The following USP5 variants were observed in gnomAD, a reference collection of about 807,000 sequenced individuals.
USP5 encodes ubiquitin carboxyl-terminal hydrolase 5.
USP5 carries 24 observed loss-of-function variants against 102.5 expected under a neutral mutation model. The observed-to-expected ratio is 0.23, with a 90% CI of 0.17 to 0.33. USP5 has a LOEUF of 0.33. Ranked by LOEUF, USP5 falls within the 10% of genes least tolerant of loss-of-function variation. The pLI, the probability that USP5 is intolerant of heterozygous loss-of-function variation, is 1.00. For synonymous variants in USP5, 460 were observed against 434.8 expected (o/e 1.06, Z -0.72); for missense variants, 753 against 1,122.1 (o/e 0.67, Z 4.70).
rs1944188495 is a variant in USP5, at chr12:6,858,699, C to T, written c.1058+82C>T. On this transcript the variant is annotated intron_variant, in intron 8 of 19. Transcript: ENST00000229268. This position sits in a 1 kb window ranked among gnomAD's most constrained non-coding sequence, Gnocchi z 4.2. Reference sequence around the variant, plus strand: ...ACTCCTCCTTCAGCTTCCCTCAGCACCTCTGTGTTTGATTCTAGTCTTAGA... The same window carrying T: ...ACTCCTCCTTCAGCTTCCCTCAGCATCTCTGTGTTTGATTCTAGTCTTAGA... 1 of 1,317,816 alleles carries T rather than the reference C, an allele frequency of 7.6e-7. No homozygotes were observed. Among genetic ancestry groups the T allele is most frequent in the Non-Finnish European group, 1.1e-6 (1 of 951,714 alleles). The allele number at this position is 1,317,816 out of a possible 1,614,324, so 81.6% of individuals were successfully genotyped here.
chr12:6,864,264 T>G lies in USP5; in HGVS notation c.2244+69T>G. 1 of 1,507,766 alleles carries G rather than the reference T, an allele frequency of 6.6e-7. No individual in the cohort carries two copies. Among genetic ancestry groups the G allele is most frequent in the Non-Finnish European group, 8.8e-7 (1 of 1,131,348 alleles). The allele number at this position is 1,507,766 out of a possible 1,614,324, so 93.4% of individuals were successfully genotyped here. A position where few individuals can be genotyped will look rare whatever the true frequency, so the allele number is the denominator to read the frequency against. ...AGGGGGTGGGAATGAGGGGCCATCC[T>G]TCTTGAGCAAGACCAAAGACAACAG... On this transcript the variant is annotated intron_variant, in intron 17 of 19. Coordinates refer to ENST00000229268, the MANE Select transcript of USP5 (RefSeq NM_001098536.2). The surrounding 1 kb of genome is among the most constrained non-coding windows in gnomAD (Gnocchi z 4.8).
At position 6,852,197 on chromosome 12, in the gene USP5, G is replaced by C. The variant is rs1555126996; in HGVS notation, c.18G>C (p.Glu6Asp). 6.2e-7 allele frequency: 1 copy of C among 1,612,214 alleles called. No individual in the cohort carries two copies. The highest frequency in any genetic ancestry group is 1.1e-5 in the South Asian group (1 of 90,430). ...CCGGTGTCATGGCGGAGCTGAGTGA[G>C]GAGGCGCTGCTGTCAGTATTACCGA... The part of the protein sequence containing the change: MAELS[E>D]EALLSVLPTI... Residue 6 changes from glutamate (E) to aspartate (D), a missense_variant, in exon 1 of 20, where the codon GAG becomes GAC. Physicochemically the swap from Glu to Asp is conservative, Grantham distance 45. Around this residue, in one of 3 missense-constraint regions of USP5, gnomAD observed 527 missense variants for 816.5 expected, o/e 0.65. Transcript: ENST00000229268.
In USP5 at chr12:6,861,427, C is replaced by T. The variant is rs1477904873; in HGVS notation, c.1499-16C>T. 1 of 1,553,620 alleles carries T rather than the reference C, an allele frequency of 6.4e-7. No homozygotes were observed. The highest frequency in any genetic ancestry group is 8.7e-7 in the Non-Finnish European group (1 of 1,143,308). On this transcript the variant is annotated splice_polypyrimidine_tract_variant and intron_variant, in intron 12 of 19. Coordinates refer to ENST00000229268, the MANE Select transcript of USP5 (RefSeq NM_001098536.2). This position sits in a 1 kb window ranked among gnomAD's most constrained non-coding sequence, Gnocchi z 4.9. ...CAGCACCCTCCGAAGGATCCACCAA[C>T]CCATTCTGTCACCAGAGGAGCTTCT...
At position 6,861,615 on chromosome 12, in the gene USP5, C is replaced by A; in HGVS notation, c.1671C>A (p.Val557=). The change falls in exon 13 of 20, where the codon GTC becomes GTA. Residue 557 remains valine (V), a splice_region_variant and synonymous_variant. Transcript: ENST00000229268. This position sits in a 1 kb window ranked among gnomAD's most constrained non-coding sequence, Gnocchi z 4.9. The part of the protein sequence containing the change: ...STALQAKSVA[V]KTTRFASFPD... ...CCCTGCAGGCCAAGTCAGTAGCTGT[C>A]AAGTAAGTCCTCTGGTCGGGGCCTG... 1 of 1,553,032 alleles carries A rather than the reference C, an allele frequency of 6.4e-7. No homozygotes were observed. Among genetic ancestry groups the A allele is most frequent in the South Asian group, 1.2e-5 (1 of 86,424 alleles).
At position 6,860,837 on chromosome 12, in the gene USP5, T is replaced by C; in HGVS notation, c.1345-116T>C. 6.9e-7 allele frequency: 1 copy of C among 1,444,064 alleles called. No homozygotes were observed. The highest frequency in any genetic ancestry group is 9.5e-7 in the Non-Finnish European group (1 of 1,055,908). The allele number at this position is 1,444,064 out of a possible 1,614,324, so 89.5% of individuals were successfully genotyped here. A position where few individuals can be genotyped will look rare whatever the true frequency, so the allele number is the denominator to read the frequency against. On this transcript the variant is annotated intron_variant, in intron 11 of 19. Coordinates refer to ENST00000229268, the MANE Select transcript of USP5 (RefSeq NM_001098536.2). This position sits in a 1 kb window ranked among gnomAD's most constrained non-coding sequence, Gnocchi z 5.5. ...AGGGAAGGTTTCTGCTCTGCTCTTG[T>C]GTCCCTGAGTTCCGAGTGGTAGTCT...
intron 9 of USP5, among the ~76,000 whole-genome samples, 154 bp from the exon 10 acceptor site, chr12:6,859,997 C>T (rs1180779161): frequency 2.0e-5 from 3 of 152,118 alleles, no homozygotes; most frequent in African/African-American, 4.8e-5. Flanking sequence ...GTCTTCTGGA[C>T]GTGTTGTCTG....
chr12:6,852,720 T>G (rs782533333), intron 1 of USP5, among the ~76,000 whole-genome samples: 2 of 151,636 alleles, frequency 1.3e-5, no homozygotes, highest in African/African-American at 2.4e-5. Flanking sequence ...GGGTTGGAGT[T>G]GGGGGGTGGG....
chr12:6,856,133 G>A lies in USP5; in HGVS notation c.421G>A (p.Asp141Asn). The A allele has an allele frequency of 6.2e-7, 1 of 1,614,156 alleles. No individual in the cohort carries two copies. The highest frequency in any genetic ancestry group is 8.5e-7 in the Non-Finnish European group (1 of 1,180,030). The change falls in exon 4 of 20, where the codon GAC becomes AAC. Residue 141 changes from aspartate to asparagine, a missense_variant. Around this residue, in one of 3 missense-constraint regions of USP5, gnomAD observed 527 missense variants for 816.5 expected, o/e 0.65. Transcript: ENST00000229268. The surrounding 1 kb of genome is among the most constrained non-coding windows in gnomAD (Gnocchi z 5.6). ...IARDGLGGLP[D>N]IVRDRVTSAV... The stretch of plus-strand genomic sequence containing the variant: ...CCGGGATGGACTGGGGGGACTGCCT[G>A]ACATTGTCAGAGATCGGGTATGACT...
rs782481693 is a variant in USP5 at position 6,864,652 on chromosome 12, G to A, written c.2245-70G>A. 3.0e-4 allele frequency: 453 copies of A among 1,528,854 alleles called. 1 individual carries two copies. In the African/African-American group the frequency reaches 5.3e-3, roughly 18 times the overall value. 94.7% of individuals were successfully genotyped at this position (1,528,854 alleles called of 1,614,324 possible). Reference sequence around the variant, plus strand: ...TGCAGTGAGCCGAGATCGCGCCACTGCACTCCAGCCTGGGCGACAGAGCAA... The same window carrying A: ...TGCAGTGAGCCGAGATCGCGCCACTACACTCCAGCCTGGGCGACAGAGCAA... On this transcript the variant is annotated intron_variant, in intron 17 of 19. Coordinates refer to ENST00000229268, the MANE Select transcript of USP5 (RefSeq NM_001098536.2). The surrounding 1 kb of genome is among the most constrained non-coding windows in gnomAD (Gnocchi z 4.8).
intron 19 of USP5, among the ~76,000 whole-genome samples, 170 bp from the exon 20 acceptor site, chr12:6,865,814 C>T (rs1447752201): frequency 6.6e-6 from 1 of 152,146 alleles, no homozygotes; most frequent in Non-Finnish European, 1.5e-5. Flanking sequence ...GGGTCCGTGA[C>T]CCTTGTGAGG....
chr12:6,861,791 G>A lies in USP5; in HGVS notation c.1673+174G>A, dbSNP rs888336803. Among the ~76,000 whole-genome samples the A allele has an allele frequency of 2.6e-5, 4 of 152,202 alleles. No homozygotes were observed. The highest frequency in any genetic ancestry group is 7.2e-5 in the African/African-American group (3 of 41,446). On this transcript the variant is annotated intron_variant, in intron 13 of 19. Coordinates refer to ENST00000229268, the MANE Select transcript of USP5 (RefSeq NM_001098536.2). This position sits in a 1 kb window ranked among gnomAD's most constrained non-coding sequence, Gnocchi z 4.9. The stretch of plus-strand genomic sequence containing the variant: ...CAAGGGGCCCTGGTAGGGGGGACAC[G>A]GGTACTGACTCTATCTGTCACCTTG...
chr12:6,865,558 TG>T (rs782081898), intron 19 of USP5, among the ~76,000 whole-genome samples: 61 of 152,304 alleles, frequency 4.0e-4, no homozygotes, highest in Non-Finnish European at 7.8e-4. Flanking sequence ...CTACCGTGCC[TG>T]GCCAGGCCCC....
At position 6,864,843 on chromosome 12, in the gene USP5, C is replaced by T. The variant is rs782623922; in HGVS notation, c.2366C>T (p.Pro789Leu). ...SAADSISESV[P>L]VGPKVRDGPG... ...GCCGACTCCATCTCTGAGTCTGTGCCAGTGGGACCTAAAGTCCGGGATGGT... is the reference window on the plus strand; with the variant it reads ...GCCGACTCCATCTCTGAGTCTGTGCTAGTGGGACCTAAAGTCCGGGATGGT... Residue 789 changes from proline to leucine, a missense_variant, in exon 18 of 20, where the codon CCA becomes CTA. By Grantham distance (98) the Pro-to-Leu change is moderately conservative. Transcript: ENST00000229268. This position sits in a 1 kb window ranked among gnomAD's most constrained non-coding sequence, Gnocchi z 4.8. 1.2e-6 allele frequency: 2 copies of T among 1,613,940 alleles called. No individual in the cohort carries two copies. Among genetic ancestry groups the T allele is most frequent in the East Asian group, 4.5e-5 (2 of 44,882 alleles).
Position 6,861,870 on chromosome 12 carries a change from C to A in USP5, c.1673+253C>A, listed in dbSNP as rs954155439. On this transcript the variant is annotated intron_variant, in intron 13 of 19. Coordinates refer to ENST00000229268, the MANE Select transcript of USP5 (RefSeq NM_001098536.2). This position sits in a 1 kb window ranked among gnomAD's most constrained non-coding sequence, Gnocchi z 4.9. ...GCACAGGGTCTCTTTGTAGTGTAGC[C>A]TCTCTTCATTGCCCCTCAGTCATGG... Among the ~76,000 whole-genome samples the A allele has an allele frequency of 6.6e-6, 1 of 152,216 alleles. No homozygotes were observed. The highest frequency in any genetic ancestry group is 1.5e-5 in the Non-Finnish European group (1 of 68,052).
rs1018074377 is a variant in USP5 at position 6,864,335 on chromosome 12, G to A, written c.2244+140G>A. 1.0e-4 allele frequency: 127 copies of A among 1,242,692 alleles called. No homozygotes were observed. Among genetic ancestry groups the A allele is most frequent in the Non-Finnish European group, 1.2e-4 (112 of 929,760 alleles). The allele number at this position is 1,242,692 out of a possible 1,614,324, so 77.0% of individuals were successfully genotyped here. A position where few individuals can be genotyped will look rare whatever the true frequency, so the allele number is the denominator to read the frequency against. On this transcript the variant is annotated intron_variant, in intron 17 of 19. Transcript: ENST00000229268. The surrounding 1 kb of genome is among the most constrained non-coding windows in gnomAD (Gnocchi z 4.8). ...GGCACCACTCTTTTGTGGCTGCGAT[G>A]AAGGAGCTGAAGCCTGCGTTCACTG...
Position 6,860,495 on chromosome 12 carries a change from A to C in USP5, c.1344+4A>C. On this transcript the variant is annotated splice_donor_region_variant and intron_variant, in intron 11 of 19. Coordinates refer to ENST00000229268, the MANE Select transcript of USP5 (RefSeq NM_001098536.2). This position sits in a 1 kb window ranked among gnomAD's most constrained non-coding sequence, Gnocchi z 5.5. ...TCACCTTATCAACATGGTGGAGGTA[A>C]GGGCTGGCAAGATGGCACACCCCCA... is the stretch of plus-strand genomic sequence containing the variant. The C allele has an allele frequency of 6.2e-7, 1 of 1,613,646 alleles. No individual in the cohort carries two copies. Among genetic ancestry groups the C allele is most frequent in the Non-Finnish European group, 8.5e-7 (1 of 1,179,982 alleles).
At chr12:6,857,827 AC>A in intron 7 of USP5, 104 bp downstream of exon 7, 1 of 1,096,750 alleles carries the variant, frequency 9.1e-7, no homozygotes. Flanking sequence ...CTTCTAGTTA[AC>A]CCCATCCCCA....
chr12:6,856,538 T>A lies in USP5; in HGVS notation c.584+88T>A. 1.9e-6 allele frequency: 3 copies of A among 1,552,084 alleles called. No individual in the cohort carries two copies. The South Asian group carries it at 3.7e-5, about 19-fold the overall frequency. ...CTGGGGGATCTGGTGGGAGAGAGGG[T>A]AGGGAGCAGGACAGGAAGGGAAGCT... On this transcript the variant is annotated intron_variant, in intron 5 of 19. Coordinates refer to ENST00000229268, the MANE Select transcript of USP5 (RefSeq NM_001098536.2). This position sits in a 1 kb window ranked among gnomAD's most constrained non-coding sequence, Gnocchi z 5.6.
At chr12:6,859,640 G>A (rs1555129084) in intron 9 of USP5, 99 bp downstream of exon 9, 2 of 1,229,780 alleles carry the variant, frequency 1.6e-6, no homozygotes, top group Admixed American at 1.8e-5. Context: ...TTAACCCCTG[G>A]CCTTTTTTTG....
Sources: allele counts gnomAD v4.1 joint callset (sites outside exome capture counted in the v4.1 genomes callset), GRCh38; gene constraint gnomAD v4.1.1; regional missense constraint gnomAD v4.1.1; non-coding constraint Gnocchi (gnomAD v3.1); transcripts MANE v1.5; gene names NCBI Gene and HGNC (gene_info 2026-07-23, HGNC 2026-07-21).